The following NANP variants were observed in gnomAD, a reference collection of about 807,000 sequenced individuals.
The protein encoded by NANP is N-acylneuraminate-9-phosphatase.
In NANP, 15 loss-of-function variants were observed where a neutral mutation model predicts 16.9. The observed-to-expected ratio is 0.89, with a 90% CI of 0.59 to 1.37. The LOEUF is 1.37. NANP is among the 40% of genes most tolerant of loss of function. The probability of loss-of-function intolerance (pLI) is 0.00; values close to 1 mark genes in which losing one functional copy is unlikely to be tolerated. For synonymous variants in NANP, 135 were observed against 112.6 expected (o/e 1.20, Z -1.26); for missense variants, 290 against 303.5 (o/e 0.96, Z 0.33).
At chr20:25,623,789 A>T in intron 1 of NANP, 70 bp downstream of exon 1, 1 of 1,394,004 alleles carries the variant, frequency 7.2e-7, no homozygotes, top group South Asian at 1.2e-5. Context: ...GGTCAAGGGG[A>T]GGTGAGCGTG....
chr20:25,623,694 C>T (rs1341272343), intron 1 of NANP, among the ~76,000 whole-genome samples, 165 bp downstream of exon 1: 1 of 152,162 alleles, frequency 6.6e-6, no homozygotes, highest in African/African-American at 2.4e-5. Flanking sequence ...CCCGCAGGGC[C>T]CGCGCGCCTC....
Position 25,615,840 on chromosome 20 carries a change from TATC to T in NANP, c.*82_*84del. The stretch of plus-strand genomic sequence containing the variant: ...AGTAAAATTATTCTTAGAGCTGGAT[TATC>T]ATAAGTGGAGTGCCCTAACTTTTCT... On this transcript the variant is annotated 3_prime_UTR_variant, in exon 2 of 2. Transcript: ENST00000304788. 1 of 1,284,100 alleles carries T rather than the reference TATC, an allele frequency of 7.8e-7. No homozygotes were observed. The highest frequency in any genetic ancestry group is 1.1e-6 in the Non-Finnish European group (1 of 928,046). The allele number at this position is 1,284,100 out of a possible 1,614,324, so 79.5% of individuals were successfully genotyped here.
rs34028977 is a variant in NANP, at chr20:25,619,121, CT to C, written c.91-2541del. On this transcript the variant is annotated intron_variant, in intron 1 of 1. Coordinates refer to ENST00000304788, the MANE Select transcript of NANP (RefSeq NM_152667.3). Reference sequence around the variant, plus strand: ...AAGAATCACAACAAAGGAAAAGGGTCTTTTTTTTTTTTTTTTTTCCCCAAAC... The same window carrying C: ...AAGAATCACAACAAAGGAAAAGGGTCTTTTTTTTTTTTTTTTTCCCCAAAC... Among the ~76,000 whole-genome samples, 554 of 133,048 alleles carry C rather than the reference CT, an allele frequency of 4.2e-3. 2 individuals carry two copies. Among genetic ancestry groups the C allele is most frequent in the African/African-American group, 9.6e-3 (341 of 35,500 alleles). The allele number at this position is 133,048 out of a possible 152,430, so 87.3% of individuals were successfully genotyped here. A position where few individuals can be genotyped will look rare whatever the true frequency, so the allele number is the denominator to read the frequency against.
chr20:25,614,028 T>C lies in NANP; in HGVS notation c.*1897A>G. 1 of 393,386 alleles carries C rather than the reference T, an allele frequency of 2.5e-6. No homozygotes were observed. 24.4% of individuals were successfully genotyped at this position (393,386 alleles called of 1,614,324 possible). On this transcript the variant is annotated 3_prime_UTR_variant, in exon 2 of 2. Transcript: ENST00000304788. Reference sequence around the variant, plus strand: ...AATATGATCAAGGTCATATGGGTACTGCATTTGAAACTACAAACATCCTCT... The same window carrying C: ...AATATGATCAAGGTCATATGGGTACCGCATTTGAAACTACAAACATCCTCT...
chr20:25,623,834 G>A, intron 1 of NANP, 25 bp downstream of exon 1: 1 of 1,607,312 alleles, frequency 6.2e-7, no homozygotes, highest in Non-Finnish European at 8.5e-7. Context: ...CCCGCCCAGA[G>A]GAGCGCCATG....
chr20:25,616,679 C>T (rs543150318), intron 1 of NANP, 98 bp from the exon 2 acceptor site: 7 of 922,796 alleles, frequency 7.6e-6, no homozygotes, highest in Admixed American at 5.7e-5. Context: ...GAGTCCAACT[C>T]CACTCCTCTG....
At chr20:25,617,705 C>T (rs1341103110) in intron 1 of NANP, among the ~76,000 whole-genome samples, 9 of 151,938 alleles carry the variant, frequency 5.9e-5, no homozygotes, top group South Asian at 2.1e-4. Context: ...TTAGTAGAGG[C>T]GGGGTTTTAC....
chr20:25,620,859 G>A (rs1185140636), intron 1 of NANP, among the ~76,000 whole-genome samples: 1 of 152,016 alleles, frequency 6.6e-6, no homozygotes, highest in Non-Finnish European at 1.5e-5. Flanking sequence ...GTAGCCAGGA[G>A]GAGGTTGCTG....
rs3752273 is a variant in NANP, at chr20:25,614,147, A to T, written c.*1778T>A. On this transcript the variant is annotated 3_prime_UTR_variant, in exon 2 of 2. Coordinates refer to ENST00000304788, the MANE Select transcript of NANP (RefSeq NM_152667.3). Reference sequence around the variant, plus strand: ...AATCTAGAGCGAAAAGTAAACACGAAAGGGCATTTGCATGAGGCAGAGAAT... The same window carrying T: ...AATCTAGAGCGAAAAGTAAACACGATAGGGCATTTGCATGAGGCAGAGAAT... 100,476 of 267,948 alleles carry T rather than the reference A, an allele frequency of 0.37. 20,722 individuals are homozygous for T. The highest frequency in any genetic ancestry group is 0.47 in the Middle Eastern group (423 of 896). 16.6% of individuals were successfully genotyped at this position (267,948 alleles called of 1,614,324 possible). A position where few individuals can be genotyped will look rare whatever the true frequency, so the allele number is the denominator to read the frequency against.
chr20:25,619,354 CA>C (rs1378115560), intron 1 of NANP, among the ~76,000 whole-genome samples: 2 of 152,112 alleles, frequency 1.3e-5, no homozygotes, highest in African/African-American at 4.8e-5. Flanking sequence ...CTCCTAGCCT[CA>C]AGCAATCCTC....
At chr20:25,621,054 A>G (rs2065362746) in intron 1 of NANP, among the ~76,000 whole-genome samples, 2 of 152,214 alleles carry the variant, frequency 1.3e-5, no homozygotes, top group South Asian at 4.2e-4. Context: ...ACTGAAATCA[A>G]TAGGGATCCA....
At chr20:25,620,791 G>A (rs745514410) in intron 1 of NANP, among the ~76,000 whole-genome samples, 27 of 151,874 alleles carry the variant, frequency 1.8e-4, no homozygotes, top group Non-Finnish European at 3.7e-4. Flanking sequence ...CCATCCTGCG[G>A]AACTCAGGTT....
rs771507333 is a variant in NANP, at chr20:25,623,842, A to G, written c.90+17T>C. 3 of 1,609,734 alleles carry G rather than the reference A, an allele frequency of 1.9e-6. No homozygotes were observed. The highest frequency in any genetic ancestry group is 2.5e-6 in the Non-Finnish European group (3 of 1,177,700). ...CACTGACCCCGCCCAGAGGAGCGCC[A>G]TGGGTGGGGACGTTACCTCCAACAT... On this transcript the variant is annotated intron_variant, in intron 1 of 1. Transcript: ENST00000304788.
At chr20:25,623,785 G>T in intron 1 of NANP, 74 bp downstream of exon 1, 1 of 1,388,350 alleles carries the variant, frequency 7.2e-7, no homozygotes, top group South Asian at 1.2e-5. Context: ...GTGGGGTCAA[G>T]GGGAGGTGAG....
At position 25,614,556 on chromosome 20, in the gene NANP, A is replaced by T. The variant is rs2065334943; in HGVS notation, c.*1369T>A. 6.6e-6 allele frequency: 1 copy of T among 152,240 alleles called. No individual in the cohort carries two copies. Among genetic ancestry groups the T allele is most frequent in the Admixed American group, 6.5e-5 (1 of 15,284 alleles). 9.4% of individuals were successfully genotyped at this position (152,240 alleles called of 1,614,324 possible). On this transcript the variant is annotated 3_prime_UTR_variant, in exon 2 of 2. Coordinates refer to ENST00000304788, the MANE Select transcript of NANP (RefSeq NM_152667.3). ...TCCTGGTAAACCCTGAATTAGATAT[A>T]GAAATTTGCAAAACAATGATATATT...
rs776980506 is a variant in NANP at position 25,623,843 on chromosome 20, T to C, written c.90+16A>G. 45 of 1,610,834 alleles carry C rather than the reference T, an allele frequency of 2.8e-5. No homozygotes were observed. In the South Asian group the frequency reaches 4.3e-4, roughly 15 times the overall value. On this transcript the variant is annotated intron_variant, in intron 1 of 1. Coordinates refer to ENST00000304788, the MANE Select transcript of NANP (RefSeq NM_152667.3). ...ACTGACCCCGCCCAGAGGAGCGCCA[T>C]GGGTGGGGACGTTACCTCCAACATG...
At chr20:25,623,646 A>C (rs1480332105) in intron 1 of NANP, among the ~76,000 whole-genome samples, 3 of 152,084 alleles carry the variant, frequency 2.0e-5, no homozygotes, top group African/African-American at 7.2e-5. Context: ...AGGGCTCGAG[A>C]TTGGGTGACA....
At chr20:25,618,741 C>T (rs2065353351) in intron 1 of NANP, among the ~76,000 whole-genome samples, 1 of 152,158 alleles carries the variant, frequency 6.6e-6, no homozygotes, top group Non-Finnish European at 1.5e-5. Context: ...GGGAGCAAAA[C>T]TGAACCCTGT....
intron 1 of NANP, among the ~76,000 whole-genome samples, chr20:25,619,816 ATACAGACCCAATTTCCTACTGGCTCCCAG>A (rs1568988752): frequency 2.0e-5 from 3 of 152,310 alleles, no homozygotes; most frequent in South Asian, 2.1e-4. Context: ...ATCAGCTCCT[ATACAGACCCAATTTCCTACTGGCTCCCAG>A]TACAGACCCA....
Sources: gnomAD v4.1 joint callset for allele counts (sites outside exome capture counted in the v4.1 genomes callset) on GRCh38, gnomAD v4.1.1 for gene constraint, MANE v1.5 for transcripts, NCBI Gene and HGNC (gene_info 2026-07-23, HGNC 2026-07-21) for gene names.